The following NEMP2 variants were observed in gnomAD, a reference collection of about 807,000 sequenced individuals.
NEMP2 encodes nuclear envelope integral membrane protein 2.
In NEMP2, 53 loss-of-function variants were observed where a neutral mutation model predicts 54.2. The observed-to-expected ratio is 0.98, with a 90% CI of 0.78 to 1.23. The LOEUF (loss-of-function observed/expected upper bound fraction) is 1.23, where lower values mean the gene tolerates loss of function less well. NEMP2 is among the 50% of genes most tolerant of loss of function. The probability of loss-of-function intolerance (pLI) is 0.00; values close to 1 mark genes in which losing one functional copy is unlikely to be tolerated. For missense variants in NEMP2, 455 were observed against 511.3 expected, an observed-to-expected ratio of 0.89 and a Z score of 1.06; for synonymous variants, 197 against 190.3, an observed-to-expected ratio of 1.04 and a Z score of -0.29.
the NEMP2 span, among the ~76,000 whole-genome samples, chr2:190,614,069 G>C: frequency 6.6e-6 from 1 of 151,860 alleles, no homozygotes; most frequent in Non-Finnish European, 1.5e-5. This position sits in a 1 kb window ranked among gnomAD's most constrained non-coding sequence, Gnocchi z 5.7. Context: ...GTGAAACATG[G>C]TGTACACAAG....
the NEMP2 span, among the ~76,000 whole-genome samples, chr2:190,434,877 C>T: frequency 6.6e-6 from 1 of 152,194 alleles, no homozygotes; most frequent in Non-Finnish European, 1.5e-5. This position sits in a 1 kb window ranked among gnomAD's most constrained non-coding sequence, Gnocchi z 4.3. Context: ...GGCTGCACAG[C>T]AAGAGCGGGC....
chr2:190,584,684 G>A, the NEMP2 span, among the ~76,000 whole-genome samples: 5 of 151,962 alleles, frequency 3.3e-5, no homozygotes, highest in South Asian at 1.0e-3. The surrounding 1 kb of genome is among the most constrained non-coding windows in gnomAD (Gnocchi z 4.2). Flanking sequence ...ACCAGACTGG[G>A]AAACATAGCA....
chr2:190,486,190 C>G, the NEMP2 span, among the ~76,000 whole-genome samples: 1 of 152,242 alleles, frequency 6.6e-6, no homozygotes, highest in Non-Finnish European at 1.5e-5. Flanking sequence ...TTGTTGAGTA[C>G]TCTACCAATC....
chr2:190,427,547 A>C, the NEMP2 span, among the ~76,000 whole-genome samples: 1 of 151,938 alleles, frequency 6.6e-6, no homozygotes, highest in Non-Finnish European at 1.5e-5. Flanking sequence ...CTTCAGCTCC[A>C]CTCATACTTG....
chr2:190,588,771 A>G, the NEMP2 span, among the ~76,000 whole-genome samples: 2 of 152,162 alleles, frequency 1.3e-5, no homozygotes, highest in Non-Finnish European at 2.9e-5. This position sits in a 1 kb window ranked among gnomAD's most constrained non-coding sequence, Gnocchi z 5.0. Context: ...TATATAGATG[A>G]CAGCTTGTTG....
intron 6 of NEMP2, among the ~76,000 whole-genome samples, chr2:190,516,059 G>C (rs1200726159): frequency 2.0e-5 from 3 of 152,076 alleles, no homozygotes; most frequent in Non-Finnish European, 1.5e-5. Context: ...TAAGAAACAT[G>C]TCATAGGGAA....
the NEMP2 span, among the ~76,000 whole-genome samples, chr2:190,441,116 T>A: frequency 6.6e-6 from 1 of 152,182 alleles, no homozygotes; most frequent in African/African-American, 2.4e-5. Flanking sequence ...CTTCTTCTCA[T>A]CATCTTATTT....
intron 1 of NEMP2, among the ~76,000 whole-genome samples, chr2:190,526,944 A>T (rs1690961228): frequency 6.6e-6 from 1 of 152,166 alleles, no homozygotes. Flanking sequence ...ACAGAGGGCT[A>T]ATGTAAAATG....
the NEMP2 span, chr2:190,616,787 A>AT: frequency 5.3e-5 from 8 of 151,870 alleles, no homozygotes; most frequent in Non-Finnish European, 1.2e-4. The surrounding 1 kb of genome is among the most constrained non-coding windows in gnomAD (Gnocchi z 5.1). Flanking sequence ...GTTTTATAAC[A>AT]TTTTTTCCTA....
rs1373361481 is a variant in NEMP2, at chr2:190,507,269, A to G, written c.*1920T>C. On this transcript the variant is annotated 3_prime_UTR_variant, in exon 9 of 9. Coordinates refer to ENST00000409150, the MANE Select transcript of NEMP2 (RefSeq NM_001142645.2). The surrounding 1 kb of genome is among the most constrained non-coding windows in gnomAD (Gnocchi z 4.4). Reference sequence around the variant, plus strand: ...TGTTCTTCTCTCTTTGGCTGTTTTTACTGTGATGGTTACACCTGGCTAGCT... The same window carrying G: ...TGTTCTTCTCTCTTTGGCTGTTTTTGCTGTGATGGTTACACCTGGCTAGCT... 1 of 152,184 alleles carries G rather than the reference A, an allele frequency of 6.6e-6. No individual in the cohort carries two copies. Among genetic ancestry groups the G allele is most frequent in the East Asian group, 1.9e-4 (1 of 5,188 alleles). The allele number at this position is 152,184 out of a possible 1,614,324, so 9.4% of individuals were successfully genotyped here.
At chr2:190,623,586 ATGG>A in the NEMP2 span, among the ~76,000 whole-genome samples, 2 of 152,232 alleles carry the variant, frequency 1.3e-5, no homozygotes, top group African/African-American at 4.8e-5. Context: ...TCTTCAATAA[ATGG>A]TGGTGGGAAA....
chr2:190,595,671 G>C, the NEMP2 span, among the ~76,000 whole-genome samples: 1 of 152,186 alleles, frequency 6.6e-6, no homozygotes, highest in Non-Finnish European at 1.5e-5. This position sits in a 1 kb window ranked among gnomAD's most constrained non-coding sequence, Gnocchi z 4.0. Context: ...CTGGTCATTA[G>C]AGAAACGCAA....
the NEMP2 span, chr2:190,497,604 C>A: frequency 1.2e-6 from 2 of 1,614,146 alleles, no homozygotes; most frequent in Non-Finnish European, 1.7e-6. The surrounding 1 kb of genome is among the most constrained non-coding windows in gnomAD (Gnocchi z 5.2). Context: ...GTGAACAAAC[C>A]AGCCTGGGGA....
At chr2:190,477,469 AAAGG>A in the NEMP2 span, 1 of 642,736 alleles carries the variant, frequency 1.6e-6, no homozygotes, top group Non-Finnish European at 1.9e-6. Context: ...GTTAGGTGGA[AAAGG>A]ACGGTTTCCA....
chr2:190,509,298 A>G lies in NEMP2; in HGVS notation c.1145T>C (p.Val382Ala). Reference protein sequence around the residue: ...LHTPSKFADFVLGGSHLSPEE... With the variant: ...LHTPSKFADFALGGSHLSPEE... ...AGGTGACAAGTGGCTTCCTCCAAGAACAAAGTCTGCAAATCTAACAAGTTT... is the reference window on the plus strand; with the variant it reads ...AGGTGACAAGTGGCTTCCTCCAAGAGCAAAGTCTGCAAATCTAACAAGTTT... The change falls in exon 9 of 9, where the codon GTT becomes GCT. Residue 382 changes from valine to alanine, a missense_variant. By Grantham distance (64) the Val-to-Ala change is moderately conservative (BLOSUM62 0). Around this residue, in one of 3 missense-constraint regions of NEMP2, gnomAD observed 294 missense variants for 333.6 expected, o/e 0.88. Transcript: ENST00000409150. This position sits in a 1 kb window ranked among gnomAD's most constrained non-coding sequence, Gnocchi z 6.1. 1 of 1,551,722 alleles carries G rather than the reference A, an allele frequency of 6.4e-7. No individual in the cohort carries two copies. The highest frequency in any genetic ancestry group is 2.4e-5 in the East Asian group (1 of 40,922).
the NEMP2 span, among the ~76,000 whole-genome samples, chr2:190,572,833 GTATATATATATA>G: frequency 4.4e-3 from 211 of 47,872 alleles, 3 homozygotes; most frequent in Middle Eastern, 0.012. Context: ...CTTTTCATGA[GTATATATATATA>G]TATATATATA....
the NEMP2 span, chr2:190,488,525 G>A: frequency 1.2e-6 from 1 of 862,074 alleles, no homozygotes; most frequent in Non-Finnish European, 1.7e-6. This position sits in a 1 kb window ranked among gnomAD's most constrained non-coding sequence, Gnocchi z 6.4. Flanking sequence ...TGTGAAAATG[G>A]TAAATTTTTA....
downstream of NEMP2, among the ~76,000 whole-genome samples, chr2:190,503,045 C>G (rs1690089822): frequency 6.6e-6 from 1 of 152,214 alleles, no homozygotes; most frequent in Non-Finnish European, 1.5e-5. This position sits in a 1 kb window ranked among gnomAD's most constrained non-coding sequence, Gnocchi z 6.3. Flanking sequence ...CATAAAGCAG[C>G]CCAGCCTGAA....
the NEMP2 span, among the ~76,000 whole-genome samples, chr2:190,604,838 G>GC: frequency 1.3e-5 from 2 of 152,050 alleles, no homozygotes; most frequent in African/African-American, 2.4e-5. This position sits in a 1 kb window ranked among gnomAD's most constrained non-coding sequence, Gnocchi z 4.5. Context: ...TATCATTTCT[G>GC]CCTCCACAAA....
Sources: gnomAD v4.1 joint callset for allele counts (sites outside exome capture counted in the v4.1 genomes callset) on GRCh38, gnomAD v4.1.1 for gene constraint, gnomAD v4.1.1 regional missense constraint, Gnocchi (gnomAD v3.1) non-coding constraint, MANE v1.5 for transcripts, NCBI Gene and HGNC (gene_info 2026-07-23, HGNC 2026-07-21) for gene names.